KLF12: variants seen among roughly 807,000 people sequenced by gnomAD.
The protein encoded by KLF12 is Krueppel-like factor 12.
A neutral mutation model predicts 37.8 loss-of-function variants in KLF12; 9 were observed. That is an observed-to-expected ratio of 0.24 (90% CI 0.14 to 0.42). The LOEUF is 0.42. Among genes scored for constraint, KLF12 ranks in the 10% least tolerant of loss-of-function variants. The pLI is 1.00. For missense variants in KLF12, 411 were observed against 516.0 expected (o/e 0.80, Z 1.97); for synonymous variants, 208 against 202.1 (o/e 1.03, Z -0.25).
Position 73,695,268 on chromosome 13 carries a change from G to A in KLF12, c.*222C>T. 3.8e-6 allele frequency: 2 copies of A among 522,632 alleles called. No homozygotes were observed. The highest frequency in any genetic ancestry group is 6.8e-6 in the Non-Finnish European group (2 of 292,890). 32.4% of individuals were successfully genotyped at this position (522,632 alleles called of 1,614,324 possible). ...CAATGCCTGTCTCTTCAGCATTTAT[G>A]TCACTGAGCTCCCAGGCCCGGGTAA... On this transcript the variant is annotated 3_prime_UTR_variant, in exon 8 of 8. Coordinates refer to ENST00000377669, the MANE Select transcript of KLF12 (RefSeq NM_007249.5).
chr13:73,933,226 C>T (rs1311521041), intron 3 of KLF12, among the ~76,000 whole-genome samples: 1 of 152,068 alleles, frequency 6.6e-6, no homozygotes, highest in African/African-American at 2.4e-5. Flanking sequence ...TGTTCTGAGG[C>T]CTACTTTGAT....
At chr13:74,178,203 A>T in the KLF12 span, among the ~76,000 whole-genome samples, 1 of 152,240 alleles carries the variant, frequency 6.6e-6, no homozygotes, top group Non-Finnish European at 1.5e-5. Flanking sequence ...AGGGCAAAGG[A>T]TGTACGCTGA....
chr13:73,759,498 A>G (rs962732408), intron 6 of KLF12, among the ~76,000 whole-genome samples: 5 of 152,096 alleles, frequency 3.3e-5, no homozygotes, highest in Non-Finnish European at 7.4e-5. Flanking sequence ...AGCTTCTCCT[A>G]TTTCTCCTTG....
chr13:73,803,613 G>GA lies in KLF12; in HGVS notation c.806+9538dup, dbSNP rs545468987. Among the ~76,000 whole-genome samples, 336 of 151,718 alleles carry GA rather than the reference G, an allele frequency of 2.2e-3. 1 individual carries two copies. The highest frequency in any genetic ancestry group is 7.4e-3 in the African/African-American group (306 of 41,392). ...CTCTCTCCTCCCACCCCCTCCACTA[G>GA]AATATTAAGCACCACGAGATCAGTG... On this transcript the variant is annotated intron_variant, in intron 5 of 7. Transcript: ENST00000377669.
At chr13:74,200,895 T>C in the KLF12 span, among the ~76,000 whole-genome samples, 2 of 152,194 alleles carry the variant, frequency 1.3e-5, no homozygotes, top group African/African-American at 4.8e-5. Context: ...ATTAATTTGG[T>C]TCCCTTTTGG....
the KLF12 span, among the ~76,000 whole-genome samples, chr13:74,276,028 G>A: frequency 1.1e-4 from 17 of 150,904 alleles, no homozygotes; most frequent in Non-Finnish European, 2.2e-4. Flanking sequence ...TCTTACATAG[G>A]CATACATATG....
intron 3 of KLF12, among the ~76,000 whole-genome samples, chr13:73,929,030 C>T (rs1361622045): frequency 2.0e-5 from 3 of 152,174 alleles, no homozygotes; most frequent in Non-Finnish European, 2.9e-5. Context: ...CCTCATAACT[C>T]ACACCATTTT....
At chr13:74,120,773 C>G (rs1441777757) in intron 1 of KLF12, among the ~76,000 whole-genome samples, 1 of 151,884 alleles carries the variant, frequency 6.6e-6, no homozygotes, top group African/African-American at 2.4e-5. Flanking sequence ...TGGCAATATA[C>G]TAAGATTCTG....
chr13:74,261,079 T>C, the KLF12 span, among the ~76,000 whole-genome samples: 1 of 152,242 alleles, frequency 6.6e-6, no homozygotes, highest in Admixed American at 6.5e-5. Context: ...AAATCACCAC[T>C]AAAGAACTTA....
intron 3 of KLF12, among the ~76,000 whole-genome samples, chr13:73,856,144 A>G (rs956905438): frequency 5.3e-5 from 8 of 152,214 alleles, no homozygotes; most frequent in African/African-American, 1.9e-4. Context: ...AAAATGGGAA[A>G]AGAGCCAGGC....
chr13:74,169,995 T>C, the KLF12 span, among the ~76,000 whole-genome samples: 2 of 152,178 alleles, frequency 1.3e-5, no homozygotes, highest in African/African-American at 2.4e-5. Context: ...CATTTTTTTT[T>C]CTAGAAAGCA....
chr13:73,927,398 C>T (rs1347218100), intron 3 of KLF12, among the ~76,000 whole-genome samples: 2 of 152,100 alleles, frequency 1.3e-5, no homozygotes, highest in South Asian at 2.1e-4. Context: ...TGGGGCAGTA[C>T]CTTGGTACAG....
chr13:73,797,917 A>C (rs1018704325), intron 5 of KLF12, among the ~76,000 whole-genome samples: 27 of 152,084 alleles, frequency 1.8e-4, no homozygotes, highest in African/African-American at 6.3e-4. Context: ...AACTTCCGAC[A>C]CATTCTTCTT....
chr13:73,732,823 T>C (rs1376446536), intron 6 of KLF12, among the ~76,000 whole-genome samples: 1 of 152,102 alleles, frequency 6.6e-6, no homozygotes, highest in Non-Finnish European at 1.5e-5. Context: ...GTCAAGCAGA[T>C]AACTCTAACT....
the KLF12 span, among the ~76,000 whole-genome samples, chr13:74,260,221 C>T: frequency 6.6e-6 from 1 of 152,196 alleles, no homozygotes; most frequent in South Asian, 2.1e-4. Flanking sequence ...ACCATTGGAG[C>T]ATGCTGTTCT....
the KLF12 span, among the ~76,000 whole-genome samples, chr13:74,197,579 T>C: frequency 6.6e-6 from 1 of 152,160 alleles, no homozygotes; most frequent in African/African-American, 2.4e-5. Flanking sequence ...CTTTTGGTTC[T>C]ATATGTATGT....
chr13:73,730,765 G>C (rs552029690), intron 6 of KLF12, among the ~76,000 whole-genome samples: 5 of 152,164 alleles, frequency 3.3e-5, no homozygotes, highest in South Asian at 2.1e-4. Context: ...ATAGCTCACA[G>C]TTAATCTTAA....
At position 73,751,335 on chromosome 13, in the gene KLF12, C is replaced by A. The variant is rs190549310; in HGVS notation, c.869+13603G>T. Among the ~76,000 whole-genome samples, 21 of 152,268 alleles carry A rather than the reference C, an allele frequency of 1.4e-4. No homozygotes were observed. The East Asian group carries it at 3.1e-3, about 22-fold the overall frequency. ...ATGTTCGTACTGTTTTCCATAGAGG[C>A]TGTATTAATTTACATTCCCACCAAC... On this transcript the variant is annotated intron_variant, in intron 6 of 7. Transcript: ENST00000377669.
At chr13:73,725,772 G>T (rs1208297831) in intron 6 of KLF12, among the ~76,000 whole-genome samples, 1 of 151,858 alleles carries the variant, frequency 6.6e-6, no homozygotes, top group African/African-American at 2.4e-5. Context: ...ATTATAACTT[G>T]TTAGCTATGG....
Sources: gnomAD v4.1 joint callset for allele counts (sites outside exome capture counted in the v4.1 genomes callset) on GRCh38, gnomAD v4.1.1 for gene constraint, MANE v1.5 for transcripts, NCBI Gene and HGNC (gene_info 2026-07-23, HGNC 2026-07-21) for gene names.